Variants in FRYL observed in about 807,000 individuals in gnomAD.
The protein encoded by FRYL is FRY like transcription coactivator, also known as protein furry homolog-like.
A neutral mutation model predicts 351.2 loss-of-function variants in FRYL; 150 were observed. That is an observed-to-expected ratio of 0.43 (90% CI 0.37 to 0.49). FRYL has a LOEUF of 0.49. Among genes scored for constraint, FRYL ranks in the 20% least tolerant of loss-of-function variants. The pLI, the probability that FRYL is intolerant of heterozygous loss-of-function variation, is 0.00. For missense variants in FRYL, 3,036 were observed against 3,619.3 expected (o/e 0.84, Z 4.13); for synonymous variants, 1,153 against 1,257.1 (o/e 0.92, Z 1.75).
At chr4:48,744,838 C>T (rs537024032) in intron 1 of FRYL, among the ~76,000 whole-genome samples, 19 of 152,256 alleles carry the variant, frequency 1.2e-4, no homozygotes, top group Admixed American at 3.9e-4. Flanking sequence ...TCCTCAATAT[C>T]TCCCACCCAT....
intron 27 of FRYL, among the ~76,000 whole-genome samples, 158 bp downstream of exon 27, chr4:48,570,669 T>C (rs1308721234): frequency 6.6e-6 from 1 of 152,228 alleles, no homozygotes; most frequent in African/African-American, 2.4e-5. Context: ...GGTCAGTGTA[T>C]CGAATGCATA....
At chr4:48,657,369 T>TC (rs970729565) in intron 3 of FRYL, among the ~76,000 whole-genome samples, 14 of 150,360 alleles carry the variant, frequency 9.3e-5, no homozygotes, top group South Asian at 2.1e-4. Context: ...TTTTTTTTTT[T>TC]TTTGGAGAAG....
At chr4:48,502,807 A>G in intron 61 of FRYL, 21 bp downstream of exon 61, 5 of 1,601,612 alleles carry the variant, frequency 3.1e-6, no homozygotes, top group Non-Finnish European at 4.3e-6. Flanking sequence ...AGTAGTCTAT[A>G]AATCAAGACA....
At chr4:48,721,077 G>A (rs905284603) in intron 1 of FRYL, among the ~76,000 whole-genome samples, 12 of 152,162 alleles carry the variant, frequency 7.9e-5, no homozygotes, top group African/African-American at 2.9e-4. Context: ...AGGTCCAGAA[G>A]AATATACAAT....
At chr4:48,566,502 C>T (rs1326223841) in intron 28 of FRYL, among the ~76,000 whole-genome samples, 4 of 152,134 alleles carry the variant, frequency 2.6e-5, no homozygotes, top group African/African-American at 9.7e-5. Flanking sequence ...ATGCTCTTTT[C>T]CTTTGACAGT....
At chr4:48,649,578 G>A (rs1300540129) in intron 3 of FRYL, among the ~76,000 whole-genome samples, 1 of 152,112 alleles carries the variant, frequency 6.6e-6, no homozygotes, top group Non-Finnish European at 1.5e-5. Context: ...CAATTTTAGG[G>A]AACTAAGCCA....
intron 45 of FRYL, among the ~76,000 whole-genome samples, 198 bp downstream of exon 45, chr4:48,541,829 A>G (rs1157940786): frequency 2.0e-5 from 3 of 152,172 alleles, no homozygotes; most frequent in Non-Finnish European, 4.4e-5. Context: ...GCACATTAGA[A>G]GAAGAACAGC....
chr4:48,739,604 A>G (rs748522257), intron 1 of FRYL, among the ~76,000 whole-genome samples: 2 of 152,142 alleles, frequency 1.3e-5, no homozygotes, highest in Non-Finnish European at 2.9e-5. Context: ...CTAAAATACA[A>G]AACTTGAAAA....
At chr4:48,604,056 A>G (rs1342742488) in intron 11 of FRYL, among the ~76,000 whole-genome samples, 2 of 152,078 alleles carry the variant, frequency 1.3e-5, no homozygotes, top group Admixed American at 1.3e-4. Flanking sequence ...ATTTCTTCAC[A>G]TTACTCTCCA....
At chr4:48,525,043 G>A (rs185215856) in intron 53 of FRYL, among the ~76,000 whole-genome samples, 73 of 148,730 alleles carry the variant, frequency 4.9e-4, no homozygotes, top group Admixed American at 1.1e-3. Context: ...ACTAATTTTA[G>A]GGTGGTAACC....
intron 3 of FRYL, among the ~76,000 whole-genome samples, chr4:48,678,546 ATTGATCAGT>A: frequency 1.3e-5 from 2 of 149,852 alleles, no homozygotes; most frequent in Non-Finnish European, 1.5e-5. Context: ...GAGAGAAGGA[ATTGATCAGT>A]ACAAGTACAT....
intron 53 of FRYL, among the ~76,000 whole-genome samples, 154 bp downstream of exon 53, chr4:48,527,323 A>G (rs1190106525): frequency 2.0e-5 from 3 of 152,126 alleles, no homozygotes; most frequent in Non-Finnish European, 4.4e-5. Context: ...GACTTATTCT[A>G]TTGACTAATT....
At chr4:48,589,377 ATTTT>A (rs58252414) in intron 18 of FRYL, among the ~76,000 whole-genome samples, 20 of 146,600 alleles carry the variant, frequency 1.4e-4, no homozygotes, top group Non-Finnish European at 1.5e-4. Context: ...GATTTTCAGG[ATTTT>A]TTTTTTTTTT....
intron 1 of FRYL, among the ~76,000 whole-genome samples, chr4:48,736,781 C>T (rs1435005496): frequency 1.6e-5 from 2 of 128,016 alleles, no homozygotes; most frequent in Non-Finnish European, 3.1e-5. Flanking sequence ...ACCTAGGAGG[C>T]GGAGGTTGCA....
intron 1 of FRYL, among the ~76,000 whole-genome samples, chr4:48,754,869 T>C (rs1332351859): frequency 2.0e-5 from 3 of 152,154 alleles, no homozygotes; most frequent in African/African-American, 7.2e-5. Flanking sequence ...CTCAAACTCC[T>C]GACCTCAGGT....
intron 1 of FRYL, among the ~76,000 whole-genome samples, chr4:48,778,522 C>G (rs1776264497): frequency 6.6e-6 from 1 of 152,192 alleles, no homozygotes; most frequent in Admixed American, 6.5e-5. Context: ...CTTGCACATG[C>G]AAGTACTCTA....
rs57746767 is a variant in FRYL, at chr4:48,662,765, G to GAAAAAAAAAAAAAAA, written c.-81+21893_-81+21907dup. On this transcript the variant is annotated intron_variant, in intron 3 of 63. Transcript: ENST00000358350. Reference sequence around the variant, plus strand: ...ACATAGCAAGATCTCATCTCCTGAAGAAAAAAAAAAAAAAAAAAAGCAGGA... The same window carrying GAAAAAAAAAAAAAAA: ...ACATAGCAAGATCTCATCTCCTGAAGAAAAAAAAAAAAAAAAAAAAAAAAAAAAAAAAAAGCAGGA... Among the ~76,000 whole-genome samples the GAAAAAAAAAAAAAAA allele has an allele frequency of 2.3e-5, 3 of 131,618 alleles. 1 individual carries two copies. The highest frequency in any genetic ancestry group is 4.8e-4 in the South Asian group (2 of 4,192). 86.3% of individuals were successfully genotyped at this position (131,618 alleles called of 152,430 possible). A position where few individuals can be genotyped will look rare whatever the true frequency, so the allele number is the denominator to read the frequency against.
chr4:48,685,597 C>T (rs1232687566), intron 2 of FRYL, among the ~76,000 whole-genome samples: 2 of 152,084 alleles, frequency 1.3e-5, no homozygotes, highest in African/African-American at 4.8e-5. Flanking sequence ...CAGAGTCTAC[C>T]TAAAATAACT....
At chr4:48,564,246 C>T (rs1256846445) in intron 30 of FRYL, 144 bp from the exon 31 acceptor site, 16 of 934,686 alleles carry the variant, frequency 1.7e-5, no homozygotes, top group Non-Finnish European at 2.4e-5. Context: ...ACCTCCCTCT[C>T]ATTTTATTCA....
Sources: allele counts gnomAD v4.1 joint callset (sites outside exome capture counted in the v4.1 genomes callset), GRCh38; gene constraint gnomAD v4.1.1; transcripts MANE v1.5; gene names NCBI Gene and HGNC (gene_info 2026-07-23, HGNC 2026-07-21).